ASIC2: variants seen among roughly 807,000 people sequenced by gnomAD.
ASIC2 encodes the protein acid-sensing ion channel 2.
ASIC2 carries 25 observed loss-of-function variants against 57.3 expected under a neutral mutation model. The observed-to-expected ratio is 0.44, with a 90% CI of 0.32 to 0.61. The LOEUF (loss-of-function observed/expected upper bound fraction) is 0.61. Among genes scored for constraint, ASIC2 ranks in the 20% least tolerant of loss-of-function variants. The pLI is 0.06. For missense variants in ASIC2, 641 were observed against 738.1 expected (o/e 0.87, Z 1.52); for synonymous variants, 319 against 307.5 (o/e 1.04, Z -0.39).
rs765688526 is a variant in ASIC2, at chr17:34,047,506, C to CAAAAAAAAAAAA, written c.555+108471_555+108472insTTTTTTTTTTTT. On this transcript the variant is annotated intron_variant, in intron 1 of 9. Transcript: ENST00000359872. ...TCTTAACATGATGTACACCTTTCTC[C>CAAAAAAAAAAAA]AGAAAAAAAAAAAAAAAAAAAAAAA... Among the ~76,000 whole-genome samples, 2 of 68,326 alleles carry CAAAAAAAAAAAA rather than the reference C, an allele frequency of 2.9e-5. 1 individual carries two copies. The highest frequency in any genetic ancestry group is 6.1e-5 in the Non-Finnish European group (2 of 32,812). 44.8% of individuals were successfully genotyped at this position (68,326 alleles called of 152,430 possible).
At chr17:33,170,083 C>T (rs568997711) in intron 1 of ASIC2, among the ~76,000 whole-genome samples, 39 of 152,296 alleles carry the variant, frequency 2.6e-4, no homozygotes, top group Non-Finnish European at 4.4e-4. Context: ...GAAACACGCA[C>T]AGTCATTATG....
intron 1 of ASIC2, among the ~76,000 whole-genome samples, chr17:33,826,448 T>A (rs1008027911): frequency 6.6e-6 from 1 of 152,168 alleles, no homozygotes; most frequent in African/African-American, 2.4e-5. Context: ...ATATGCGAGG[T>A]CCCGTGATCT....
intron 1 of ASIC2, among the ~76,000 whole-genome samples, chr17:33,330,668 G>C (rs1907276660): frequency 6.6e-6 from 1 of 152,042 alleles, no homozygotes; most frequent in South Asian, 2.1e-4. Flanking sequence ...TATCCTTGCT[G>C]CTGGCCTCTC....
At chr17:33,083,840 A>G (rs891858302) in intron 3 of ASIC2, among the ~76,000 whole-genome samples, 5 of 151,948 alleles carry the variant, frequency 3.3e-5, no homozygotes, top group Admixed American at 1.3e-4. Context: ...TTTGTAAGTT[A>G]CAGAAAGCCC....
chr17:33,473,570 C>A (rs1212321041), intron 1 of ASIC2, among the ~76,000 whole-genome samples: 1 of 152,114 alleles, frequency 6.6e-6, no homozygotes, highest in African/African-American at 2.4e-5. Context: ...GGAAGTAGAT[C>A]AGATTTGCCC....
chr17:34,096,106 C>G (rs1910537959), intron 1 of ASIC2, among the ~76,000 whole-genome samples: 1 of 152,226 alleles, frequency 6.6e-6, no homozygotes, highest in Middle Eastern at 3.4e-3. Context: ...AATATTTATC[C>G]AGTAATGATT....
At chr17:33,633,013 C>A (rs1012959492) in intron 1 of ASIC2, among the ~76,000 whole-genome samples, 8 of 152,174 alleles carry the variant, frequency 5.3e-5, no homozygotes, top group African/African-American at 1.9e-4. Context: ...TACTTTTGCT[C>A]CCTGCTGGCT....
At chr17:33,161,652 A>T (rs1341448009) in intron 1 of ASIC2, among the ~76,000 whole-genome samples, 1 of 152,140 alleles carries the variant, frequency 6.6e-6, no homozygotes, top group East Asian at 1.9e-4. Context: ...ACAAAAATAT[A>T]CTTGAAGTCT....
chr17:33,084,354 T>C (rs1043181812), intron 3 of ASIC2, among the ~76,000 whole-genome samples: 1 of 152,198 alleles, frequency 6.6e-6, no homozygotes, highest in African/African-American at 2.4e-5. Context: ...CCTTATTTCT[T>C]TGGGCTCATG....
rs189828123 is a variant in ASIC2 at position 33,211,953 on chromosome 17, T to A, written c.708+79455A>T. ...GGGTGCCTGGTGTGGATCCTATCGA[T>A]CCTCACTATGGCCCAGGAAGGGTGA... On this transcript the variant is annotated intron_variant, in intron 1 of 9. Coordinates refer to ENST00000225823, the MANE Select transcript of ASIC2 (RefSeq NM_183377.2). 1.4e-4 allele frequency among the ~76,000 whole-genome samples: 21 copies of A among 152,110 alleles called. No homozygotes were observed. The East Asian group carries it at 3.9e-3, about 28-fold the overall frequency.
chr17:33,587,309 C>T (rs755565505), intron 1 of ASIC2, among the ~76,000 whole-genome samples: 5 of 152,114 alleles, frequency 3.3e-5, no homozygotes, highest in African/African-American at 7.2e-5. Context: ...GGGTATTTAG[C>T]GTTTCACTTA....
chr17:33,783,290 A>C (rs1054842678), intron 1 of ASIC2, among the ~76,000 whole-genome samples: 2 of 152,354 alleles, frequency 1.3e-5, no homozygotes, highest in East Asian at 3.9e-4. Flanking sequence ...CCTAGGTTCA[A>C]ATCATCCCTT....
At chr17:33,113,482 G>A (rs535798227) in intron 1 of ASIC2, among the ~76,000 whole-genome samples, 1 of 152,342 alleles carries the variant, frequency 6.6e-6, no homozygotes, top group East Asian at 1.9e-4. Context: ...CAGCCACAGA[G>A]ATTTGGGTCT....
At chr17:33,367,340 G>A (rs2141935877) in intron 1 of ASIC2, among the ~76,000 whole-genome samples, 1 of 152,334 alleles carries the variant, frequency 6.6e-6, no homozygotes, top group Non-Finnish European at 1.5e-5. Context: ...CTGGTGTAGG[G>A]AAGACAATTG....
At chr17:33,641,876 C>T (rs1375166008) in intron 1 of ASIC2, among the ~76,000 whole-genome samples, 3 of 152,126 alleles carry the variant, frequency 2.0e-5, no homozygotes, top group African/African-American at 7.2e-5. Context: ...GCATAATGGG[C>T]ATATTAACAG....
chr17:34,124,626 A>C (rs1023433206), intron 1 of ASIC2, among the ~76,000 whole-genome samples: 8 of 152,108 alleles, frequency 5.3e-5, no homozygotes, highest in African/African-American at 1.7e-4. Context: ...ACAACAACAA[A>C]AACACATTTA....
At chr17:33,276,348 C>G (rs1485576660) in intron 1 of ASIC2, among the ~76,000 whole-genome samples, 3 of 152,130 alleles carry the variant, frequency 2.0e-5, no homozygotes, top group African/African-American at 7.2e-5. Flanking sequence ...TGCAAACAGC[C>G]TTAGCAATTC....
chr17:33,179,774 G>A (rs1265504383), intron 1 of ASIC2, among the ~76,000 whole-genome samples: 1 of 152,160 alleles, frequency 6.6e-6, no homozygotes, highest in African/African-American at 2.4e-5. Flanking sequence ...CTTACAAATG[G>A]CTGCAGAGTT....
rs184254851 is a variant in ASIC2, at chr17:33,650,243, A to G, written c.555+505735T>C. Among the ~76,000 whole-genome samples, 404 of 152,344 alleles carry G rather than the reference A, an allele frequency of 2.7e-3. 2 individuals carry two copies. Among genetic ancestry groups the G allele is most frequent in the East Asian group, 1.5e-3 (8 of 5,182 alleles). On this transcript the variant is annotated intron_variant, in intron 1 of 9. Coordinates refer to the ASIC2 transcript ENST00000359872. ...AAGCACATGAAAAATGCTCGACATCATTAGCTATTAGGAAAATGCAAATTA... is the reference window on the plus strand; with the variant it reads ...AAGCACATGAAAAATGCTCGACATCGTTAGCTATTAGGAAAATGCAAATTA...
Sources: gnomAD v4.1 joint callset for allele counts (sites outside exome capture counted in the v4.1 genomes callset) on GRCh38, gnomAD v4.1.1 for gene constraint, MANE v1.5 for transcripts, NCBI Gene and HGNC (gene_info 2026-07-23, HGNC 2026-07-21) for gene names.